Variants in NRXN3 observed in about 807,000 individuals in gnomAD.
NRXN3 encodes the protein neurexin III.
In NRXN3, 32 loss-of-function variants were observed where a neutral mutation model predicts 137.6. The ratio of observed to expected loss-of-function variants is 0.23; its 90% CI spans 0.18 to 0.31. The LOEUF is 0.31. Among genes scored for constraint, NRXN3 ranks in the 10% least tolerant of loss-of-function variants. The pLI is 1.00. For synonymous variants in NRXN3, 798 were observed against 784.5 expected (o/e 1.02, Z -0.29); for missense variants, 1,574 against 2,062.5 (o/e 0.76, Z 4.59).
At chr14:79,527,871 CAAAAAA>C (rs33938281) in intron 16 of NRXN3, among the ~76,000 whole-genome samples, 11 of 118,380 alleles carry the variant, frequency 9.3e-5, no homozygotes, top group Admixed American at 8.7e-5. Context: ...ACTCCTTCGC[CAAAAAA>C]AAAAAAAAAA....
chr14:78,484,984 G>T (rs747986493), intron 4 of NRXN3, among the ~76,000 whole-genome samples: 39 of 152,120 alleles, frequency 2.6e-4, no homozygotes, highest in Non-Finnish European at 4.0e-4. Context: ...CACTCCTTTG[G>T]GATGGGCTCA....
At chr14:78,889,604 C>T (rs1050095543) in intron 10 of NRXN3, among the ~76,000 whole-genome samples, 2 of 151,960 alleles carry the variant, frequency 1.3e-5, no homozygotes, top group African/African-American at 4.8e-5. Context: ...TTACTCAACA[C>T]AAATTTAAAG....
chr14:78,751,964 C>A (rs1432444594), intron 8 of NRXN3, among the ~76,000 whole-genome samples: 6 of 152,214 alleles, frequency 3.9e-5, no homozygotes, highest in Non-Finnish European at 7.3e-5. Flanking sequence ...AGGATGCAAA[C>A]TGGCAGAATC....
intron 4 of NRXN3, among the ~76,000 whole-genome samples, chr14:78,419,986 C>CACAT (rs10676901): frequency 6.7e-6 from 1 of 150,118 alleles, no homozygotes; most frequent in South Asian, 2.1e-4. Flanking sequence ...CACACACACA[C>CACAT]GTAAAGTCCT....
chr14:78,657,584 C>T (rs1013803616), intron 6 of NRXN3, among the ~76,000 whole-genome samples: 1 of 152,196 alleles, frequency 6.6e-6, no homozygotes, highest in African/African-American at 2.4e-5. Flanking sequence ...CATCATTGTG[C>T]ACATTACATT....
At chr14:79,720,157 G>C (rs556495439) in intron 19 of NRXN3, among the ~76,000 whole-genome samples, 2 of 152,186 alleles carry the variant, frequency 1.3e-5, no homozygotes, top group East Asian at 3.9e-4. Context: ...ATGGTGGAAG[G>C]CAAAGGGGAA....
At chr14:78,316,376 G>C (rs543395000) in intron 4 of NRXN3, among the ~76,000 whole-genome samples, 2 of 152,158 alleles carry the variant, frequency 1.3e-5, no homozygotes, top group African/African-American at 4.8e-5. Flanking sequence ...AATTCCTAAG[G>C]AAAGAAAGAG....
At chr14:78,873,974 TTC>T (rs985101778) in intron 10 of NRXN3, among the ~76,000 whole-genome samples, 6 of 137,390 alleles carry the variant, frequency 4.4e-5, no homozygotes, top group African/African-American at 2.1e-4. Flanking sequence ...TTTCTTTTCT[TTC>T]TTTTTTTTTT....
At chr14:79,077,414 T>G (rs1382356671) in intron 15 of NRXN3, among the ~76,000 whole-genome samples, 2 of 152,206 alleles carry the variant, frequency 1.3e-5, no homozygotes, top group Non-Finnish European at 2.9e-5. Flanking sequence ...TTTCCTTTTT[T>G]TCCTCTTCTT....
At chr14:79,254,798 C>T (rs893179033) in intron 15 of NRXN3, among the ~76,000 whole-genome samples, 1 of 151,976 alleles carries the variant, frequency 6.6e-6, no homozygotes, top group Non-Finnish European at 1.5e-5. Flanking sequence ...CCCTCCCTGC[C>T]TGCCTCCCTC....
At chr14:79,547,430 T>C (rs1036357468) in intron 16 of NRXN3, among the ~76,000 whole-genome samples, 1 of 152,202 alleles carries the variant, frequency 6.6e-6, no homozygotes, top group Admixed American at 6.6e-5. Context: ...TGAATAAATA[T>C]TGAAGAATCT....
chr14:79,412,027 T>C, intron 15 of NRXN3, among the ~76,000 whole-genome samples: 1 of 152,108 alleles, frequency 6.6e-6, no homozygotes, highest in East Asian at 1.9e-4. Context: ...GTAGTATAAT[T>C]GACATGGGAT....
intron 19 of NRXN3, among the ~76,000 whole-genome samples, chr14:79,796,957 G>C (rs1015310282): frequency 6.6e-6 from 1 of 152,104 alleles, no homozygotes; most frequent in Admixed American, 6.5e-5. Flanking sequence ...GTGTTTTCTG[G>C]TTTGACTTGG....
Position 78,525,945 on chromosome 14 carries a change from C to A in NRXN3, c.758-119175C>A, listed in dbSNP as rs1288745158. On this transcript the variant is annotated intron_variant, in intron 4 of 20. Coordinates refer to ENST00000335750, the MANE Select transcript of NRXN3 (RefSeq NM_001330195.2). ...CTGGTTCTGTTTTAGTGACAGAATT[C>A]ACTAAATTCACATTTCTGGATTCCT... 2.0e-5 allele frequency among the ~76,000 whole-genome samples: 3 copies of A among 152,194 alleles called. No homozygotes were observed. In the South Asian group the frequency reaches 6.2e-4, roughly 32 times the overall value.
At chr14:79,326,855 A>G (rs980421347) in intron 15 of NRXN3, among the ~76,000 whole-genome samples, 5 of 151,978 alleles carry the variant, frequency 3.3e-5, no homozygotes, top group South Asian at 2.1e-4. Flanking sequence ...AATGTCCTGT[A>G]TGATACCTTT....
At chr14:78,757,318 G>A (rs1416207567) in intron 8 of NRXN3, among the ~76,000 whole-genome samples, 1 of 151,400 alleles carries the variant, frequency 6.6e-6, no homozygotes. Context: ...GCTGAGGCAG[G>A]AGAATTGCTT....
intron 1 of NRXN3, among the ~76,000 whole-genome samples, chr14:78,205,261 G>A (rs1009052102): frequency 6.6e-6 from 1 of 152,230 alleles, no homozygotes; most frequent in African/African-American, 2.4e-5. Context: ...ACAGAATTCT[G>A]TGCCAATCCC....
At chr14:79,451,937 T>C (rs1210368603) in intron 15 of NRXN3, among the ~76,000 whole-genome samples, 1 of 152,128 alleles carries the variant, frequency 6.6e-6, no homozygotes, top group African/African-American at 2.4e-5. Flanking sequence ...AGCGTTCAAA[T>C]GCAGGCTTCA....
chr14:78,676,134 A>C (rs924488826), intron 6 of NRXN3, among the ~76,000 whole-genome samples: 1 of 152,148 alleles, frequency 6.6e-6, no homozygotes, highest in Non-Finnish European at 1.5e-5. Flanking sequence ...TAATAGCCCT[A>C]CTGTGGCCTC....
Sources: gnomAD v4.1 joint callset for allele counts (sites outside exome capture counted in the v4.1 genomes callset) on GRCh38, gnomAD v4.1.1 for gene constraint, MANE v1.5 for transcripts, NCBI Gene and HGNC (gene_info 2026-07-23, HGNC 2026-07-21) for gene names.